Variants in KCNC2 observed in about 807,000 individuals in gnomAD.
KCNC2 encodes the protein potassium voltage-gated channel subfamily C member 2, also known as voltage-gated potassium channel KCNC2.
Under a neutral mutation model 44.5 loss-of-function variants are expected in KCNC2, and 21 were observed. That is an observed-to-expected ratio of 0.47 (90% confidence interval 0.33 to 0.68). The LOEUF is 0.68. Among genes scored for constraint, KCNC2 ranks in the 30% least tolerant of loss-of-function variants. The pLI, the probability that KCNC2 is intolerant of heterozygous loss-of-function variation, is 0.01. For missense variants in KCNC2, 589 were observed against 826.2 expected, an observed-to-expected ratio of 0.71 and a Z score of 3.52; for synonymous variants, 391 against 339.1, an observed-to-expected ratio of 1.15 and a Z score of -1.68.
Position 75,050,403 on chromosome 12 carries a change from T to C in KCNC2, c.1602A>G (p.Glu534=). 6.2e-7 allele frequency: 1 copy of C among 1,610,132 alleles called. No homozygotes were observed. Among genetic ancestry groups the C allele is most frequent in the Non-Finnish European group, 8.5e-7 (1 of 1,177,518 alleles). The part of the protein sequence containing the change: ...TCLGKDNRLL[E]HNRSVLSGDD... The stretch of plus-strand genomic sequence containing the variant: ...GTCCTGCCTTACCTGATCTGTTATG[T>C]TCCAGAAGTCGATTGTCTTTGCCCA... The change falls in exon 3 of 5, where the codon GAA becomes GAG. Residue 534 remains glutamate, a synonymous_variant. Coordinates refer to ENST00000549446, the MANE Select transcript of KCNC2 (RefSeq NM_139137.4).
intron 2 of KCNC2, among the ~76,000 whole-genome samples, chr12:75,065,659 G>A (rs1053373551): frequency 1.3e-5 from 2 of 151,990 alleles, no homozygotes; most frequent in African/African-American, 4.8e-5. Context: ...TAGCTTAAAA[G>A]GATTAGGCTA....
chr12:75,133,510 G>C (rs1889006991), intron 2 of KCNC2, among the ~76,000 whole-genome samples: 1 of 151,452 alleles, frequency 6.6e-6, no homozygotes, highest in Non-Finnish European at 1.5e-5. Context: ...TTTATAGATG[G>C]GTTAAGAATT....
At chr12:75,104,440 C>T (rs1163015168) in intron 2 of KCNC2, among the ~76,000 whole-genome samples, 4 of 152,066 alleles carry the variant, frequency 2.6e-5, no homozygotes, top group African/African-American at 9.7e-5. Context: ...GTAACTGTAA[C>T]CACCGAAAGT....
intron 2 of KCNC2, among the ~76,000 whole-genome samples, chr12:75,149,775 T>C (rs1890264464): frequency 6.6e-6 from 1 of 151,812 alleles, no homozygotes; most frequent in Admixed American, 6.6e-5. Flanking sequence ...AAAAGGAAGA[T>C]AATAAAAATG....
chr12:75,144,111 C>T (rs538119266), intron 2 of KCNC2, among the ~76,000 whole-genome samples: 5 of 152,162 alleles, frequency 3.3e-5, no homozygotes, highest in South Asian at 4.1e-4. Context: ...AGCAGAATAC[C>T]AGTTTTATTG....
chr12:75,055,767 T>A (rs1248667588), intron 2 of KCNC2, among the ~76,000 whole-genome samples: 2 of 152,030 alleles, frequency 1.3e-5, no homozygotes, highest in East Asian at 3.9e-4. Context: ...GAGTTGGAAG[T>A]CTTCATAGTC....
At chr12:75,195,860 G>T (rs2030717581) in intron 2 of KCNC2, among the ~76,000 whole-genome samples, 1 of 152,108 alleles carries the variant, frequency 6.6e-6, no homozygotes, top group Non-Finnish European at 1.5e-5. Flanking sequence ...AAGAGAACTT[G>T]TCAAGCATTC....
intron 2 of KCNC2, among the ~76,000 whole-genome samples, chr12:75,057,749 A>T (rs1881899825): frequency 6.6e-6 from 1 of 151,958 alleles, no homozygotes; most frequent in Admixed American, 6.6e-5. Context: ...TATTATAAAG[A>T]TTGTTATAGA....
intron 2 of KCNC2, among the ~76,000 whole-genome samples, chr12:75,191,844 C>T (rs1037800085): frequency 2.9e-4 from 44 of 151,996 alleles, no homozygotes; most frequent in Admixed American, 1.7e-3. Context: ...CCACCGCGCC[C>T]GGCCTATTAT....
At chr12:75,149,640 G>A (rs1166281403) in intron 2 of KCNC2, among the ~76,000 whole-genome samples, 3 of 151,252 alleles carry the variant, frequency 2.0e-5, no homozygotes, top group African/African-American at 7.3e-5. Context: ...ACATTTATAC[G>A]TTAAATAGCC....
rs900149633 is a variant in KCNC2, at chr12:75,205,987, A to G, written c.687+1310T>C. 4.6e-5 allele frequency among the ~76,000 whole-genome samples: 7 copies of G among 151,938 alleles called. 1 individual carries two copies. Among genetic ancestry groups the G allele is most frequent in the Non-Finnish European group, 1.0e-4 (7 of 68,008 alleles). On this transcript the variant is annotated intron_variant, in intron 2 of 4. Coordinates refer to ENST00000549446, the MANE Select transcript of KCNC2 (RefSeq NM_139137.4). ...CATGTTAGAATTTATGTATGCATTT[A>G]AATACCAAGTCTAAAGGAGTAGCAA...
rs1383538132 is a variant in KCNC2 at position 75,121,727 on chromosome 12, C to T, written c.688-70410G>A. The stretch of plus-strand genomic sequence containing the variant: ...CCTATGGAATAGAAGCAATCATTCC[C>T]ATGGGCATATTGGATAGATTAAAGT... On this transcript the variant is annotated intron_variant, in intron 2 of 4. Transcript: ENST00000549446. Among the ~76,000 whole-genome samples the T allele has an allele frequency of 4.6e-5, 7 of 152,294 alleles. No homozygotes were observed. In the East Asian group the frequency reaches 1.4e-3, roughly 29 times the overall value.
At chr12:75,139,066 A>T (rs540494769) in intron 2 of KCNC2, among the ~76,000 whole-genome samples, 1 of 151,876 alleles carries the variant, frequency 6.6e-6, no homozygotes, top group East Asian at 1.9e-4. Context: ...TGCCAGTAAT[A>T]CTCACCTGAG....
chr12:75,116,858 C>T (rs553680702), intron 2 of KCNC2, among the ~76,000 whole-genome samples: 3 of 152,174 alleles, frequency 2.0e-5, no homozygotes, highest in Non-Finnish European at 4.4e-5. Flanking sequence ...TAATTCCCTG[C>T]TGCCCACCTG....
At chr12:75,180,869 T>C (rs1220958586) in intron 2 of KCNC2, among the ~76,000 whole-genome samples, 3 of 152,122 alleles carry the variant, frequency 2.0e-5, no homozygotes, top group African/African-American at 7.2e-5. Flanking sequence ...ATTCTTGGTG[T>C]AATTTTTGGT....
chr12:75,107,703 T>A (rs973336019), intron 2 of KCNC2, among the ~76,000 whole-genome samples: 1 of 126,788 alleles, frequency 7.9e-6, no homozygotes, highest in Non-Finnish European at 1.6e-5. Flanking sequence ...AATGTGGTGA[T>A]GGCAACTGAA....
At chr12:75,189,697 T>A (rs765972098) in intron 2 of KCNC2, among the ~76,000 whole-genome samples, 2 of 152,216 alleles carry the variant, frequency 1.3e-5, no homozygotes, top group Non-Finnish European at 2.9e-5. Context: ...ACTTGATCTT[T>A]CATTCCCTAC....
intron 2 of KCNC2, among the ~76,000 whole-genome samples, chr12:75,108,665 G>A (rs78093199): frequency 0.17 from 25,162 of 152,088 alleles, 2,177 homozygotes; most frequent in Middle Eastern, 0.24. Context: ...CTCCCCTCAA[G>A]CCCTCAGAGC....
intron 2 of KCNC2, among the ~76,000 whole-genome samples, chr12:75,096,587 G>A (rs1885944475): frequency 6.6e-6 from 1 of 152,094 alleles, no homozygotes; most frequent in Non-Finnish European, 1.5e-5. Context: ...TTCCTCAGAA[G>A]AAAGACTGAG....
Sources: allele counts gnomAD v4.1 joint callset (sites outside exome capture counted in the v4.1 genomes callset), GRCh38; gene constraint gnomAD v4.1.1; transcripts MANE v1.5; gene names NCBI Gene and HGNC (gene_info 2026-07-23, HGNC 2026-07-21).